The following VPS13B variants were observed in gnomAD, a reference collection of about 807,000 sequenced individuals.
The protein encoded by VPS13B is vacuolar protein sorting 13 homolog B, also known as intermembrane lipid transfer protein VPS13B.
A neutral mutation model predicts 426.4 loss-of-function variants in VPS13B; 285 were observed. The observed-to-expected ratio is 0.67, with a 90% confidence interval of 0.61 to 0.74. The LOEUF (loss-of-function observed/expected upper bound fraction) is 0.74. Ranked by LOEUF, VPS13B falls within the 30% of genes least tolerant of loss-of-function variation. VPS13B has a pLI of 0.00. For missense variants in VPS13B, 4,537 were observed against 4,782.6 expected (o/e 0.95, Z 1.51); for synonymous variants, 1,676 against 1,676.4 (o/e 1.00, Z 0.01).
At chr8:99,633,628 G>T (rs994379978) in intron 33 of VPS13B, among the ~76,000 whole-genome samples, 5 of 151,988 alleles carry the variant, frequency 3.3e-5, no homozygotes. Flanking sequence ...GGACAAAATG[G>T]TTTCCACATT....
chr8:99,543,280 T>TC, intron 30 of VPS13B, among the ~76,000 whole-genome samples: 1 of 152,252 alleles, frequency 6.6e-6, no homozygotes, highest in South Asian at 2.1e-4. Flanking sequence ...TGAAACTCAA[T>TC]CCCTTCCTTA....
chr8:99,655,915 A>T (rs978821109), intron 34 of VPS13B, among the ~76,000 whole-genome samples: 1 of 152,244 alleles, frequency 6.6e-6, no homozygotes. Flanking sequence ...GACCACTTTT[A>T]TCAGATTTAC....
chr8:99,579,491 A>G (rs1825942488), intron 33 of VPS13B, among the ~76,000 whole-genome samples: 1 of 152,040 alleles, frequency 6.6e-6, no homozygotes, highest in Non-Finnish European at 1.5e-5. Context: ...TCCACCTCTC[A>G]GGTTCAAACA....
At chr8:99,167,451 A>G (rs1324715156) in intron 15 of VPS13B, among the ~76,000 whole-genome samples, 4 of 152,032 alleles carry the variant, frequency 2.6e-5, no homozygotes, top group Non-Finnish European at 5.9e-5. Context: ...GTGTTTTATA[A>G]TGGCAGTAAC....
intron 17 of VPS13B, among the ~76,000 whole-genome samples, chr8:99,226,306 T>C (rs559367031): frequency 2.3e-4 from 35 of 152,308 alleles, no homozygotes; most frequent in Admixed American, 3.9e-4. Flanking sequence ...CTGTTTTCCA[T>C]TAAGACATAG....
At chr8:99,343,986 A>G (rs1430601739) in intron 19 of VPS13B, among the ~76,000 whole-genome samples, 1 of 152,218 alleles carries the variant, frequency 6.6e-6, no homozygotes, top group Non-Finnish European at 1.5e-5. Context: ...CAAACCCACA[A>G]AAGACCTCAA....
In VPS13B at chr8:99,079,911, G is replaced by C. The variant is rs1395548179; in HGVS notation, c.292-16401G>C. 2.7e-5 allele frequency among the ~76,000 whole-genome samples: 4 copies of C among 149,524 alleles called. No individual in the cohort carries two copies. The East Asian group carries it at 7.8e-4, about 29-fold the overall frequency. ...CTGTGCTCCATCCTGGGCAACAAGA[G>C]CGAAACTCCATCTCAAAAAAAAAAA... On this transcript the variant is annotated intron_variant, in intron 3 of 61. Transcript: ENST00000357162.
intron 19 of VPS13B, among the ~76,000 whole-genome samples, chr8:99,302,653 G>A (rs1036792246): frequency 6.6e-6 from 1 of 152,004 alleles, no homozygotes; most frequent in Non-Finnish European, 1.5e-5. Flanking sequence ...GGCATTACAG[G>A]GTATGCCACC....
chr8:99,381,580 G>A (rs891613046), intron 19 of VPS13B, among the ~76,000 whole-genome samples: 4 of 151,928 alleles, frequency 2.6e-5, no homozygotes, highest in Admixed American at 6.6e-5. Flanking sequence ...ATTTTTTGAC[G>A]TTTTAATAAT....
At position 99,384,129 on chromosome 8, in the gene VPS13B, C is replaced by T. The variant is rs1281465281; in HGVS notation, c.2825-79C>T. 6 of 1,157,414 alleles carry T rather than the reference C, an allele frequency of 5.2e-6. 1 individual carries two copies. Among genetic ancestry groups the T allele is most frequent in the Middle Eastern group, 3.9e-4 (2 of 5,184 alleles). 71.7% of individuals were successfully genotyped at this position (1,157,414 alleles called of 1,614,324 possible). On this transcript the variant is annotated intron_variant, in intron 19 of 61. Coordinates refer to ENST00000357162, the MANE Select transcript of VPS13B (RefSeq NM_152564.5). Reference sequence around the variant, plus strand: ...TGTTTGTCTGTTATGTCATAGCTATCCTACATGGTGTAAAGTGACAAATAG... The same window carrying T: ...TGTTTGTCTGTTATGTCATAGCTATTCTACATGGTGTAAAGTGACAAATAG...
rs1832793316 is a variant in VPS13B, at chr8:99,713,586, G to A, written c.6455-3585G>A. Reference sequence around the variant, plus strand: ...TTTAATGTATTTACCAGTGGATAGAGAGAGAGACAAAGATATGTAGGTATA... The same window carrying A: ...TTTAATGTATTTACCAGTGGATAGAAAGAGAGACAAAGATATGTAGGTATA... On this transcript the variant is annotated intron_variant, in intron 36 of 61. Coordinates refer to ENST00000357162, the MANE Select transcript of VPS13B (RefSeq NM_152564.5). Among the ~76,000 whole-genome samples the A allele has an allele frequency of 3.3e-5, 5 of 152,182 alleles. No homozygotes were observed. In the South Asian group the frequency reaches 1.0e-3, roughly 32 times the overall value.
chr8:99,410,729 A>G (rs1815601403), intron 21 of VPS13B, among the ~76,000 whole-genome samples: 1 of 152,008 alleles, frequency 6.6e-6, no homozygotes, highest in Admixed American at 6.6e-5. Context: ...CCACCCCACG[A>G]TGGGGGCCAG....
intron 19 of VPS13B, among the ~76,000 whole-genome samples, chr8:99,345,514 T>A (rs898661233): frequency 3.3e-5 from 5 of 152,210 alleles, no homozygotes; most frequent in Non-Finnish European, 7.3e-5. Flanking sequence ...TGTTATATAT[T>A]TTTTCTTTTT....
At chr8:99,725,581 A>T (rs528054791) in intron 39 of VPS13B, among the ~76,000 whole-genome samples, 29 of 152,318 alleles carry the variant, frequency 1.9e-4, no homozygotes, top group Admixed American at 1.8e-3. Context: ...TGCCAAAAAG[A>T]TTGGGGACCA....
chr8:99,197,469 T>A (rs1371395263), intron 17 of VPS13B, among the ~76,000 whole-genome samples: 2 of 152,196 alleles, frequency 1.3e-5, no homozygotes, highest in Admixed American at 1.3e-4. Context: ...GATTCACTCT[T>A]CTTACTCATT....
intron 2 of VPS13B, among the ~76,000 whole-genome samples, chr8:99,026,020 A>T (rs1360995112): frequency 6.6e-6 from 1 of 151,966 alleles, no homozygotes; most frequent in South Asian, 2.1e-4. Context: ...TCTGATCCTC[A>T]TAATATCTTT....
rs1221545786 is a variant in VPS13B, at chr8:99,663,056, C to CA, written c.6046+1574dup. The stretch of plus-strand genomic sequence containing the variant: ...TGGGCAACAGAGCAAGACTCTGTCT[C>CA]AAAAAAAAAGAAAAGAATTTAAAGC... On this transcript the variant is annotated intron_variant, in intron 35 of 61. Transcript: ENST00000357162. Among the ~76,000 whole-genome samples, 50 of 149,458 alleles carry CA rather than the reference C, an allele frequency of 3.3e-4. No individual in the cohort carries two copies. In the East Asian group the frequency reaches 7.3e-3, roughly 22 times the overall value.
chr8:99,333,614 G>A (rs766896007), intron 19 of VPS13B, among the ~76,000 whole-genome samples: 4 of 151,836 alleles, frequency 2.6e-5, no homozygotes, highest in Non-Finnish European at 5.9e-5. Flanking sequence ...TTTCATGACT[G>A]TAAGAATCCC....
At chr8:99,807,677 TTG>T (rs144674961) in intron 43 of VPS13B, among the ~76,000 whole-genome samples, 2,150 of 145,506 alleles carry the variant, frequency 0.015, 27 homozygotes, top group African/African-American at 0.038. Flanking sequence ...CAGGGTGTGT[TTG>T]TGTGTGTGTG....
Sources: allele counts gnomAD v4.1 joint callset (sites outside exome capture counted in the v4.1 genomes callset), GRCh38; gene constraint gnomAD v4.1.1; transcripts MANE v1.5; gene names NCBI Gene and HGNC (gene_info 2026-07-23, HGNC 2026-07-21).